ABCC11: variants seen among roughly 807,000 people sequenced by gnomAD.
ABCC11 encodes the protein ATP-binding cassette sub-family C member 11.
Under a neutral mutation model 149.3 loss-of-function variants are expected in ABCC11, and 135 were observed. The observed-to-expected ratio is 0.90, with a 90% CI of 0.79 to 1.04. The LOEUF is 1.04. ABCC11 is among the 50% of genes least tolerant of loss of function. ABCC11 has a pLI of 0.00. For missense variants in ABCC11, 1,680 were observed against 1,722.1 expected (o/e 0.98, Z 0.43); for synonymous variants, 665 against 671.4 (o/e 0.99, Z 0.15).
Position 48,178,578 on chromosome 16 carries a change from A to G in ABCC11, c.3348+19T>C. The G allele has an allele frequency of 1.2e-6, 2 of 1,613,316 alleles. No homozygotes were observed. Among genetic ancestry groups the G allele is most frequent in the Non-Finnish European group, 1.7e-6 (2 of 1,179,412 alleles). On this transcript the variant is annotated intron_variant, in intron 24 of 29. Coordinates refer to ENST00000356608, the MANE Select transcript of ABCC11 (RefSeq NM_001370497.1). ...CAACTTGCATGGCTCCCCACACCAG[A>G]CCCAGACCTGAACCCCACCTTCATG...
intron 9 of ABCC11, 50 bp from the exon 10 acceptor site, chr16:48,213,600 C>G (rs769176301): frequency 4.2e-5 from 61 of 1,445,024 alleles, no homozygotes; most frequent in Non-Finnish European, 5.0e-5. Context: ...TTCCTGCTTC[C>G]TCCATTCCCT....
At chr16:48,198,679 T>C (rs1284993220) in intron 15 of ABCC11, among the ~76,000 whole-genome samples, 1 of 150,828 alleles carries the variant, frequency 6.6e-6, no homozygotes, top group Admixed American at 6.6e-5. Context: ...AAGAAACAAC[T>C]GTTCATCTTG....
At chr16:48,235,231 GAGATGCAA>G (rs1970628675) in intron 1 of ABCC11, 1 of 152,188 alleles carries the variant, frequency 6.6e-6, no homozygotes, top group Admixed American at 6.5e-5. Flanking sequence ...GAGATGCAAA[GAGATGCAA>G]TGAGGGTTAC....
intron 6 of ABCC11, among the ~76,000 whole-genome samples, chr16:48,218,472 T>G (rs951703769): frequency 6.6e-6 from 1 of 152,212 alleles, no homozygotes; most frequent in African/African-American, 2.4e-5. Flanking sequence ...ACAACCTACT[T>G]TCTCATATTG....
intron 14 of ABCC11, 86 bp from the exon 15 acceptor site, chr16:48,200,565 A>G: frequency 3.5e-6 from 5 of 1,408,476 alleles, no homozygotes; most frequent in Non-Finnish European, 1.9e-6. Flanking sequence ...TAGCAGACAG[A>G]ACCCCCTCAG....
intron 23 of ABCC11, among the ~76,000 whole-genome samples, chr16:48,180,926 C>T (rs1164020837): frequency 6.6e-6 from 1 of 152,194 alleles, no homozygotes. Flanking sequence ...GAAGAAAAGA[C>T]CCTCAAGGGC....
rs745734623 is a variant in ABCC11, at chr16:48,216,154, A to C, written c.911T>G (p.Phe304Cys). ...SSYFIIGYTA[F>C]IAILCYLLVF... Reference sequence around the variant, plus strand: ...CAGGAGATAGCATAAGATGGCAATAAATGCAGTGTATCCAATAATGAAGTA... The same window carrying C: ...CAGGAGATAGCATAAGATGGCAATACATGCAGTGTATCCAATAATGAAGTA... Residue 304 changes from phenylalanine (F) to cysteine (C), a missense_variant, in exon 7 of 30, where the codon TTT becomes TGT. Coordinates refer to ENST00000356608, the MANE Select transcript of ABCC11 (RefSeq NM_001370497.1). 2 of 1,614,090 alleles carry C rather than the reference A, an allele frequency of 1.2e-6. No individual in the cohort carries two copies. Among genetic ancestry groups the C allele is most frequent in the Admixed American group, 3.3e-5 (2 of 60,008 alleles).
intron 13 of ABCC11, among the ~76,000 whole-genome samples, chr16:48,204,286 G>T (rs921887383): frequency 3.9e-5 from 6 of 152,206 alleles, no homozygotes; most frequent in Admixed American, 2.6e-4. Context: ...TGGGACTTAG[G>T]ATGATTGCCC....
intron 6 of ABCC11, among the ~76,000 whole-genome samples, chr16:48,217,892 C>T (rs183009467): frequency 1.7e-4 from 26 of 151,876 alleles, no homozygotes; most frequent in African/African-American, 2.9e-4. Context: ...TTTTCTGTTG[C>T]GAAACATTCA....
intron 23 of ABCC11, among the ~76,000 whole-genome samples, chr16:48,179,387 A>C (rs1359765912): frequency 6.6e-6 from 1 of 152,226 alleles, no homozygotes; most frequent in Non-Finnish European, 1.5e-5. Context: ...CCAAAAGAAG[A>C]AATTACATCC....
At chr16:48,195,993 A>T (rs1210979171) in intron 18 of ABCC11, among the ~76,000 whole-genome samples, 1 of 152,132 alleles carries the variant, frequency 6.6e-6, no homozygotes, top group Admixed American at 6.5e-5. Flanking sequence ...AATTTTTTTT[A>T]ATTAAAAAAT....
chr16:48,234,485 T>A (rs1021196191), intron 1 of ABCC11, among the ~76,000 whole-genome samples: 1 of 152,192 alleles, frequency 6.6e-6, no homozygotes, highest in African/African-American at 2.4e-5. Context: ...CACTGTGGCA[T>A]CCATCTTGCG....
At position 48,198,185 on chromosome 16, in the gene ABCC11, T is replaced by C; in HGVS notation, c.2173A>G (p.Lys725Glu). Residue 725 changes from lysine to glutamate, a missense_variant, in exon 16 of 30, where the codon AAA (lysine) becomes GAA (glutamate). Physicochemically the swap from Lys to Glu is moderately conservative, Grantham distance 56. Transcript: ENST00000356608. ...THSELMQKKG[K>E]YAQLIQKMHK... ...ATCTTCTGGATAAGTTGGGCATATT[T>C]CCCCTTTTTCTGCATTAACTCACTG... 2 of 1,614,176 alleles carry C rather than the reference T, an allele frequency of 1.2e-6. No homozygotes were observed. Among genetic ancestry groups the C allele is most frequent in the Non-Finnish European group, 1.7e-6 (2 of 1,180,022 alleles).
intron 1 of ABCC11, among the ~76,000 whole-genome samples, chr16:48,240,445 G>A (rs180879848): frequency 4.9e-4 from 75 of 152,202 alleles, no homozygotes; most frequent in Admixed American, 3.3e-3. Context: ...AACACTGCAT[G>A]TTCTCACTTA....
At position 48,169,564 on chromosome 16, in the gene ABCC11, C is replaced by T. The variant is rs542330717; in HGVS notation, c.3891+541G>A. ...TAATTAAGAAAATATGGCACATATA[C>T]ACCATGGAATACTATGCAGCCGTAA... On this transcript the variant is annotated intron_variant, in intron 28 of 29. Transcript: ENST00000356608. Among the ~76,000 whole-genome samples, 96 of 152,104 alleles carry T rather than the reference C, an allele frequency of 6.3e-4. 2 individuals carry two copies. In the South Asian group the frequency reaches 0.018, roughly 29 times the overall value.
At position 48,176,967 on chromosome 16, in the gene ABCC11, G is replaced by GTT. The variant is rs1966118535; in HGVS notation, c.3494_3495insAA (p.Arg1166ThrfsTer56). 4 of 1,614,074 alleles carry GTT rather than the reference G, an allele frequency of 2.5e-6. No homozygotes were observed. On this transcript the variant is annotated frameshift_variant, in exon 25 of 30. Coordinates refer to ENST00000356608, the MANE Select transcript of ABCC11 (RefSeq NM_001370497.1). LOFTEE classifies it high-confidence loss of function. ...CGATGCCCACCACTTCGTGGCCGCG[G>GTT]ATGGTCAGGTTGATGCCGTGAAGCA... is the stretch of plus-strand genomic sequence containing the variant.
chr16:48,185,146 C>CT (rs933199848), intron 22 of ABCC11, among the ~76,000 whole-genome samples: 1 of 152,144 alleles, frequency 6.6e-6, no homozygotes, highest in Admixed American at 6.5e-5. Flanking sequence ...TTAAGCCTCA[C>CT]TTTAAGCAAG....
Position 48,198,244 on chromosome 16 carries a change from A to C in ABCC11, c.2114T>G (p.Leu705Trp). The stretch of plus-strand genomic sequence containing the variant: ...ATTTTCACAGATTTTCCCATTTTCC[A>C]ACAAAATGATCTGGCCACAAAATTC... ...YLEFCGQIIL[L>W]ENGKICENGT... Residue 705 changes from leucine to tryptophan, a missense_variant, in exon 16 of 30, where the codon TTG (leucine) becomes TGG (tryptophan). By Grantham distance (61) the Leu-to-Trp change is moderately conservative. Coordinates refer to ENST00000356608, the MANE Select transcript of ABCC11 (RefSeq NM_001370497.1). The C allele has an allele frequency of 6.2e-7, 1 of 1,614,230 alleles. No homozygotes were observed. The highest frequency in any genetic ancestry group is 8.5e-7 in the Non-Finnish European group (1 of 1,180,048).
intron 26 of ABCC11, among the ~76,000 whole-genome samples, chr16:48,173,816 G>T (rs1002888635): frequency 7.9e-5 from 10 of 126,772 alleles, no homozygotes; most frequent in Admixed American, 2.3e-4. Flanking sequence ...GCAGAGACAG[G>T]GTTTTGTCAT....
Sources: allele counts gnomAD v4.1 joint callset (sites outside exome capture counted in the v4.1 genomes callset), GRCh38; gene constraint gnomAD v4.1.1; transcripts MANE v1.5; gene names NCBI Gene and HGNC (gene_info 2026-07-23, HGNC 2026-07-21).